The following LINGO2 variants were observed in gnomAD, a reference collection of about 807,000 sequenced individuals.
LINGO2 encodes leucine-rich repeat and immunoglobulin-like domain-containing nogo receptor-interacting protein 2.
Under a neutral mutation model 30.6 loss-of-function variants are expected in LINGO2, and 14 were observed. That is an observed-to-expected ratio of 0.46 (90% CI 0.30 to 0.72). The LOEUF (loss-of-function observed/expected upper bound fraction) is 0.72, where lower values mean the gene tolerates loss of function less well. LINGO2 is among the 30% of genes least tolerant of loss of function. The pLI is 0.07. For missense variants in LINGO2, 729 were observed against 751.7 expected, an observed-to-expected ratio of 0.97 and a Z score of 0.35; for synonymous variants, 317 against 288.5, an observed-to-expected ratio of 1.10 and a Z score of -1.00.
At chr9:28,711,021 G>A in the LINGO2 span, among the ~76,000 whole-genome samples, 2 of 151,890 alleles carry the variant, frequency 1.3e-5, no homozygotes, top group Non-Finnish European at 2.9e-5. Flanking sequence ...TTTGATACTG[G>A]CCCCAGCATT....
chr9:29,044,993 G>GTAC, the LINGO2 span, among the ~76,000 whole-genome samples: 1 of 151,940 alleles, frequency 6.6e-6, no homozygotes, highest in East Asian at 1.9e-4. Flanking sequence ...ATATCTTATT[G>GTAC]TACTATATTC....
intron 1 of LINGO2, among the ~76,000 whole-genome samples, chr9:28,616,790 A>C (rs767176298): frequency 7.2e-5 from 11 of 152,172 alleles, no homozygotes; most frequent in Non-Finnish European, 1.2e-4. Context: ...CTCTACTTAC[A>C]TGAAAGATTT....
intron 5 of LINGO2, among the ~76,000 whole-genome samples, chr9:28,010,365 C>T (rs1340826107): frequency 6.6e-6 from 1 of 152,150 alleles, no homozygotes; most frequent in Admixed American, 6.5e-5. Context: ...TAGTTTGTAA[C>T]CTAGACACCT....
At chr9:29,027,369 G>A in the LINGO2 span, among the ~76,000 whole-genome samples, 4 of 151,998 alleles carry the variant, frequency 2.6e-5, no homozygotes, top group Non-Finnish European at 5.9e-5. Context: ...ACAGAGTCTC[G>A]CATTGTTGCT....
At chr9:28,034,991 CTT>C (rs1823862130) in intron 4 of LINGO2, among the ~76,000 whole-genome samples, 1 of 152,198 alleles carries the variant, frequency 6.6e-6, no homozygotes, top group South Asian at 2.1e-4. Context: ...ATCACTGTGT[CTT>C]TCTCCATTCC....
intron 4 of LINGO2, among the ~76,000 whole-genome samples, chr9:28,276,866 T>C (rs1242910161): frequency 6.6e-6 from 1 of 152,196 alleles, no homozygotes. Context: ...CTCGTTAATA[T>C]TAATATTAAA....
chr9:28,135,515 T>C (rs1351772662), intron 4 of LINGO2, among the ~76,000 whole-genome samples: 1 of 151,696 alleles, frequency 6.6e-6, no homozygotes, highest in African/African-American at 2.4e-5. Flanking sequence ...ATCTACTCAA[T>C]AATAAAATTC....
chr9:29,029,071 GC>G, the LINGO2 span, among the ~76,000 whole-genome samples: 1 of 152,000 alleles, frequency 6.6e-6, no homozygotes, highest in African/African-American at 2.4e-5. Flanking sequence ...AAGCTTCATT[GC>G]TTCCACAATA....
At chr9:29,148,350 T>G in the LINGO2 span, among the ~76,000 whole-genome samples, 2 of 152,276 alleles carry the variant, frequency 1.3e-5, no homozygotes, top group Non-Finnish European at 2.9e-5. Flanking sequence ...TTCTCACATG[T>G]GGCCCTATTC....
chr9:28,751,797 G>A, the LINGO2 span, among the ~76,000 whole-genome samples: 109 of 151,892 alleles, frequency 7.2e-4, 3 homozygotes, highest in African/African-American at 2.3e-3. Context: ...AGATTTTATC[G>A]TATGTATTGG....
At chr9:28,575,078 C>T (rs865924998) in intron 1 of LINGO2, among the ~76,000 whole-genome samples, 6 of 152,080 alleles carry the variant, frequency 3.9e-5, no homozygotes, top group South Asian at 2.1e-4. Flanking sequence ...AGCTGGAGAA[C>T]ATAATCCTTC....
At chr9:28,070,685 A>G (rs1587807566) in intron 4 of LINGO2, among the ~76,000 whole-genome samples, 1 of 152,028 alleles carries the variant, frequency 6.6e-6, no homozygotes, top group African/African-American at 2.4e-5. Flanking sequence ...TTATAGGGCC[A>G]TGGACCAGAA....
chr9:29,198,988 C>A, the LINGO2 span, among the ~76,000 whole-genome samples: 1 of 152,050 alleles, frequency 6.6e-6, no homozygotes, highest in Admixed American at 6.6e-5. Flanking sequence ...CTACATTAGG[C>A]TGTGGTAACA....
the LINGO2 span, among the ~76,000 whole-genome samples, chr9:28,742,843 C>T: frequency 1.6e-4 from 2 of 12,302 alleles, no homozygotes; most frequent in Non-Finnish European, 1.8e-3. Context: ...CTCTTGCCCC[C>T]TCTGTGCTAT....
chr9:28,594,712 T>A (rs975291589), intron 1 of LINGO2, among the ~76,000 whole-genome samples: 1 of 152,070 alleles, frequency 6.6e-6, no homozygotes, highest in Non-Finnish European at 1.5e-5. Context: ...GATCGCAATA[T>A]GAAAAGCTTA....
At chr9:29,017,545 C>T in the LINGO2 span, among the ~76,000 whole-genome samples, 3 of 152,062 alleles carry the variant, frequency 2.0e-5, no homozygotes, top group Admixed American at 6.6e-5. Flanking sequence ...AGCTAATGTG[C>T]ACCACTGTCA....
chr9:27,997,786 G>A (rs971324284), intron 5 of LINGO2, among the ~76,000 whole-genome samples: 4 of 152,180 alleles, frequency 2.6e-5, no homozygotes, highest in Middle Eastern at 3.4e-3. Flanking sequence ...TAAATGGGTC[G>A]AAAGCAAGTT....
chr9:28,703,968 G>C, the LINGO2 span, among the ~76,000 whole-genome samples: 360 of 151,906 alleles, frequency 2.4e-3, 2 homozygotes, highest in African/African-American at 8.3e-3. Context: ...TTACCTGTTA[G>C]GTAAGTGAAT....
At chr9:28,527,647 C>G (rs1036223331) in intron 1 of LINGO2, among the ~76,000 whole-genome samples, 7 of 152,156 alleles carry the variant, frequency 4.6e-5, no homozygotes, top group Non-Finnish European at 8.8e-5. Context: ...CCCTCACTGC[C>G]CCAGTGTGGA....
Sources: allele counts gnomAD v4.1 joint callset (sites outside exome capture counted in the v4.1 genomes callset), GRCh38; gene constraint gnomAD v4.1.1; transcripts MANE v1.5; gene names NCBI Gene and HGNC (gene_info 2026-07-23, HGNC 2026-07-21).